AIF1L: variants seen among roughly 807,000 people sequenced by gnomAD.
The protein encoded by AIF1L is allograft inflammatory factor 1-like.
AIF1L carries 12 observed loss-of-function variants against 20.7 expected under a neutral mutation model. The observed-to-expected ratio is 0.58, with a 90% CI of 0.37 to 0.94. AIF1L has a LOEUF of 0.94. Among genes scored for constraint, AIF1L ranks in the 40% least tolerant of loss-of-function variants. The pLI, the probability that AIF1L is intolerant of heterozygous loss-of-function variation, is 0.01. For missense variants in AIF1L, 173 were observed against 185.3 expected, an observed-to-expected ratio of 0.93 and a Z score of 0.39; for synonymous variants, 76 against 65.1, an observed-to-expected ratio of 1.17 and a Z score of -0.81.
intron 2 of AIF1L, among the ~76,000 whole-genome samples, chr9:131,107,565 G>A (rs1254980775): frequency 6.6e-6 from 1 of 152,212 alleles, no homozygotes; most frequent in Non-Finnish European, 1.5e-5. Flanking sequence ...GGTCACTGTG[G>A]TGAGTTGGAC....
intron 2 of AIF1L, among the ~76,000 whole-genome samples, chr9:131,097,913 C>T (rs1158828143): frequency 1.3e-5 from 2 of 152,222 alleles, no homozygotes; most frequent in Non-Finnish European, 2.9e-5. Flanking sequence ...CTCCCAGTTT[C>T]CTTCTTAACT....
intron 3 of AIF1L, 96 bp downstream of exon 3, chr9:131,111,759 CT>C: frequency 1.6e-6 from 2 of 1,235,444 alleles, no homozygotes. Context: ...CAGGACTAGG[CT>C]GTGGCCCTGT....
chr9:131,102,943 C>CA (rs1330146445), intron 2 of AIF1L: 21 of 456,236 alleles, frequency 4.6e-5, no homozygotes, highest in Admixed American at 4.5e-4. Context: ...TACAGAAAGA[C>CA]AAGCCTGGAG....
At chr9:131,107,670 C>G (rs1370647354) in intron 2 of AIF1L, among the ~76,000 whole-genome samples, 1 of 152,198 alleles carries the variant, frequency 6.6e-6, no homozygotes, top group Non-Finnish European at 1.5e-5. Context: ...CAGTCAATGG[C>G]CATTGTTTAA....
At chr9:131,106,627 A>G (rs1376856888) in intron 2 of AIF1L, among the ~76,000 whole-genome samples, 3 of 152,100 alleles carry the variant, frequency 2.0e-5, no homozygotes, top group Non-Finnish European at 4.4e-5. Flanking sequence ...TACAAAAAAT[A>G]CAAACATTAG....
Position 131,113,540 on chromosome 9 carries a change from G to A in AIF1L, c.161-1037G>A, listed in dbSNP as rs967004825. On this transcript the variant is annotated intron_variant, in intron 3 of 5. Transcript: ENST00000247291. ...AAAAAAGCATAATGGTTAAGAACGGGGGCTTTGGAGCCAGACTAACATGGG... is the reference window on the plus strand; with the variant it reads ...AAAAAAGCATAATGGTTAAGAACGGAGGCTTTGGAGCCAGACTAACATGGG... Among the ~76,000 whole-genome samples the A allele has an allele frequency of 2.0e-5, 3 of 151,242 alleles. No homozygotes were observed. The South Asian group carries it at 6.3e-4, about 32-fold the overall frequency.
At position 131,096,544 on chromosome 9, in the gene AIF1L, C is replaced by A; in HGVS notation, c.-86C>A. 2 of 1,444,402 alleles carry A rather than the reference C, an allele frequency of 1.4e-6. No homozygotes were observed. Among genetic ancestry groups the A allele is most frequent in the Non-Finnish European group, 1.8e-6 (2 of 1,099,592 alleles). The allele number at this position is 1,444,402 out of a possible 1,614,324, so 89.5% of individuals were successfully genotyped here. On this transcript the variant is annotated 5_prime_UTR_variant, in exon 1 of 6. Coordinates refer to ENST00000247291, the MANE Select transcript of AIF1L (RefSeq NM_031426.4). ...GGTCCCGCGGCCACACGCAGCTAGC[C>A]GGAGCCCGGACCAGGCGCCTGTGCC...
chr9:131,117,955 C>A, intron 5 of AIF1L, 37 bp downstream of exon 5: 2 of 1,576,076 alleles, frequency 1.3e-6, no homozygotes, highest in South Asian at 1.2e-5. Flanking sequence ...TCTCTGAAGG[C>A]AAAATCATTC....
chr9:131,101,398 G>A (rs1830637814), intron 2 of AIF1L, among the ~76,000 whole-genome samples: 3 of 152,160 alleles, frequency 2.0e-5, no homozygotes, highest in Admixed American at 1.3e-4. Context: ...CCAGGCTGAA[G>A]TGCAGTGGTG....
At chr9:131,116,029 A>G (rs575176145) in intron 4 of AIF1L, among the ~76,000 whole-genome samples, 1 of 152,220 alleles carries the variant, frequency 6.6e-6, no homozygotes, top group African/African-American at 2.4e-5. Flanking sequence ...CATCATTAAA[A>G]AAATTGGGGA....
In AIF1L at chr9:131,120,750, G is replaced by A. The variant is rs1487894083; in HGVS notation, c.*428G>A. 3.1e-6 allele frequency: 1 copy of A among 321,320 alleles called. No homozygotes were observed. Among genetic ancestry groups the A allele is most frequent in the African/African-American group, 2.1e-5 (1 of 47,386 alleles). The allele number at this position is 321,320 out of a possible 1,614,324, so 19.9% of individuals were successfully genotyped here. A position where few individuals can be genotyped will look rare whatever the true frequency, so the allele number is the denominator to read the frequency against. On this transcript the variant is annotated 3_prime_UTR_variant, in exon 6 of 6. Transcript: ENST00000247291. The stretch of plus-strand genomic sequence containing the variant: ...CACTCTGAGAAGACCTTGGAGTAGG[G>A]ACAAGGCTGCAGGGCCTCTTTCGGG...
At chr9:131,114,675 G>A in intron 4 of AIF1L, 57 bp downstream of exon 4, 4 of 1,601,304 alleles carry the variant, frequency 2.5e-6, no homozygotes, top group Non-Finnish European at 3.4e-6. Flanking sequence ...TAGAGGGCTT[G>A]AGGGACCCTC....
At chr9:131,100,917 A>G (rs1230279439) in intron 2 of AIF1L, among the ~76,000 whole-genome samples, 3 of 151,942 alleles carry the variant, frequency 2.0e-5, no homozygotes, top group Admixed American at 1.3e-4. Context: ...TCTTTTTTTG[A>G]GACGGCGTCT....
chr9:131,110,466 C>T (rs11792202), intron 2 of AIF1L, among the ~76,000 whole-genome samples: 36,207 of 150,442 alleles, frequency 0.24, 4,855 homozygotes, highest in African/African-American at 0.35. Context: ...AGAGCAGAGA[C>T]GACGAATTCA....
Position 131,120,421 on chromosome 9 carries a change from T to C in AIF1L, c.*99T>C. On this transcript the variant is annotated 3_prime_UTR_variant, in exon 6 of 6. Transcript: ENST00000247291. ...GTGATCTCTCTCTCTCTCATTTGTT[T>C]GGTCATTGAGGGTTTGTTTGTGTTT... The C allele has an allele frequency of 9.6e-7, 1 of 1,036,362 alleles. No homozygotes were observed. Among genetic ancestry groups the C allele is most frequent in the Non-Finnish European group, 1.4e-6 (1 of 713,262 alleles). 64.2% of individuals were successfully genotyped at this position (1,036,362 alleles called of 1,614,324 possible).
chr9:131,105,864 G>A (rs1830737116), intron 2 of AIF1L, among the ~76,000 whole-genome samples: 1 of 149,504 alleles, frequency 6.7e-6, no homozygotes. Flanking sequence ...ACAGGGTCTG[G>A]CTGGAGTGCA....
At position 131,120,285 on chromosome 9, in the gene AIF1L, G is replaced by GC. The variant is rs1017714008; in HGVS notation, c.422dup (p.Pro142SerfsTer7). The GC allele has an allele frequency of 1.2e-6, 2 of 1,613,464 alleles. No homozygotes were observed. Among genetic ancestry groups the GC allele is most frequent in the South Asian group, 2.2e-5 (2 of 91,034 alleles). ...AACGAGAGCAGCCCCAAGCCAGTTG[G>GC]CCCCCCTCCAGAGAGAGACATTGCT... On this transcript the variant is annotated frameshift_variant, in exon 6 of 6. Transcript: ENST00000247291. LOFTEE classifies it high-confidence loss of function.
At position 131,096,813 on chromosome 9, in the gene AIF1L, T is replaced by G; in HGVS notation, c.43T>G (p.Phe15Val). Residue 15 changes from phenylalanine (F) to valine (V), a missense_variant, in exon 2 of 6, where the codon TTC becomes GTC. Physicochemically the swap from Phe to Val is conservative, Grantham distance 50. Coordinates refer to ENST00000247291, the MANE Select transcript of AIF1L (RefSeq NM_031426.4). The stretch of plus-strand genomic sequence containing the variant: ...TTTGTCTCCTCCAGGAGGGAAGGCG[T>G]TCGGCTTGCTCAAAGCCCGGCAGGA... ...LSNRFQGGKA[F>V]GLLKARQERR... The G allele has an allele frequency of 1.3e-6, 2 of 1,536,998 alleles. No individual in the cohort carries two copies. The highest frequency in any genetic ancestry group is 1.8e-6 in the Non-Finnish European group (2 of 1,142,670).
At chr9:131,096,699 C>T (rs1045060692) in intron 1 of AIF1L, 39 bp downstream of exon 1, 25 of 1,449,594 alleles carry the variant, frequency 1.7e-5, no homozygotes, top group Non-Finnish European at 2.1e-5. Context: ...CTGTGCGCGC[C>T]GGGCGGACCG....
Sources: allele counts gnomAD v4.1 joint callset (sites outside exome capture counted in the v4.1 genomes callset), GRCh38; gene constraint gnomAD v4.1.1; transcripts MANE v1.5; gene names NCBI Gene and HGNC (gene_info 2026-07-23, HGNC 2026-07-21).